Variants in MYO5A observed in about 807,000 individuals in gnomAD.
MYO5A encodes myosin VA, also known as unconventional myosin-Va.
A neutral mutation model predicts 249.7 loss-of-function variants in MYO5A; 98 were observed. The ratio of observed to expected loss-of-function variants is 0.39; its 90% CI spans 0.33 to 0.46. MYO5A has a LOEUF of 0.46. MYO5A is among the 20% of genes least tolerant of loss of function. The pLI, the probability that MYO5A is intolerant of heterozygous loss-of-function variation, is 0.98. For synonymous variants in MYO5A, 778 were observed against 810.6 expected (o/e 0.96, Z 0.68); for missense variants, 1,696 against 2,308.8 (o/e 0.73, Z 5.44).
chr15:52,402,555 T>C (rs2042810397), intron 9 of MYO5A, among the ~76,000 whole-genome samples: 1 of 152,086 alleles, frequency 6.6e-6, no homozygotes, highest in Admixed American at 6.6e-5. Flanking sequence ...CTTTTAAAGC[T>C]CATTTAAGGC....
intron 1 of MYO5A, among the ~76,000 whole-genome samples, chr15:52,506,059 T>A (rs899912275): frequency 2.6e-5 from 4 of 151,236 alleles, no homozygotes; most frequent in Non-Finnish European, 5.9e-5. Flanking sequence ...ACTAAAAAAA[T>A]ATGAAAATTA....
Position 52,323,451 on chromosome 15 carries a change from G to C in MYO5A, c.4711-7C>G, listed in dbSNP as rs1161399622. The C allele has an allele frequency of 6.2e-7, 1 of 1,607,968 alleles. No homozygotes were observed. Among genetic ancestry groups the C allele is most frequent in the African/African-American group, 1.3e-5 (1 of 74,778 alleles). ...CAAAATCATCACCTCTTTTCTGAAAGAGAGAATAAGTCTAAACTTGCCTTT... is the reference window on the plus strand; with the variant it reads ...CAAAATCATCACCTCTTTTCTGAAACAGAGAATAAGTCTAAACTTGCCTTT... On this transcript the variant is annotated splice_polypyrimidine_tract_variant and splice_region_variant and intron_variant, in intron 36 of 41. Transcript: ENST00000399233.
chr15:52,522,995 A>T (rs2077654085), intron 1 of MYO5A, among the ~76,000 whole-genome samples: 1 of 152,238 alleles, frequency 6.6e-6, no homozygotes, highest in South Asian at 2.1e-4. Context: ...AAGAGGAAAT[A>T]ATGGGCATTT....
At chr15:52,358,889 C>A (rs1026167944) in intron 25 of MYO5A, among the ~76,000 whole-genome samples, 1 of 152,050 alleles carries the variant, frequency 6.6e-6, no homozygotes, top group Non-Finnish European at 1.5e-5. Flanking sequence ...CTGTTATATC[C>A]ATGGGCCCCA....
At chr15:52,450,103 T>C (rs1213704353) in intron 1 of MYO5A, among the ~76,000 whole-genome samples, 1 of 152,006 alleles carries the variant, frequency 6.6e-6, no homozygotes, top group Non-Finnish European at 1.5e-5. Context: ...GAGGATCACT[T>C]GAGCTCAGGA....
chr15:52,443,887 G>A (rs1026214002), intron 1 of MYO5A, among the ~76,000 whole-genome samples: 1 of 151,934 alleles, frequency 6.6e-6, no homozygotes, highest in Admixed American at 6.6e-5. Context: ...GGAGGCTGAG[G>A]CACAAGAATT....
At chr15:52,342,054 T>C (rs1309352814) in intron 31 of MYO5A, among the ~76,000 whole-genome samples, 1 of 152,164 alleles carries the variant, frequency 6.6e-6, no homozygotes, top group Non-Finnish European at 1.5e-5. Context: ...TTAGACAGCA[T>C]GATAATAATA....
At position 52,375,359 on chromosome 15, in the gene MYO5A, G is replaced by A. The variant is rs757097908; in HGVS notation, c.2522C>T (p.Thr841Ile). Residue 841 changes from threonine (T) to isoleucine (I), a missense_variant, in exon 20 of 42, where the codon ACT becomes ATT. This residue lies in a region of MYO5A where 412 missense variants were observed against 453.3 expected (regional missense o/e 0.91). Transcript: ENST00000399233. ...TCGCAAGTAAGACTGAAGAACGATAGTGGCAGCTCGTCTAATCTTGTACCT... is the reference window on the plus strand; with the variant it reads ...TCGCAAGTAAGACTGAAGAACGATAATGGCAGCTCGTCTAATCTTGTACCT... Reference protein sequence around the residue: ...RRRYKIRRAATIVLQSYLRGF... With the variant: ...RRRYKIRRAAIIVLQSYLRGF... 6.2e-7 allele frequency: 1 copy of A among 1,613,998 alleles called. No homozygotes were observed. Among genetic ancestry groups the A allele is most frequent in the Non-Finnish European group, 8.5e-7 (1 of 1,179,978 alleles).
At chr15:52,496,760 G>A (rs1018275441) in intron 1 of MYO5A, among the ~76,000 whole-genome samples, 1 of 152,174 alleles carries the variant, frequency 6.6e-6, no homozygotes, top group African/African-American at 2.4e-5. Flanking sequence ...ACTGAGAAAA[G>A]TTTAAGTTCT....
At chr15:52,353,520 A>T in intron 27 of MYO5A, 85 bp downstream of exon 27, 1 of 1,130,922 alleles carries the variant, frequency 8.8e-7, no homozygotes, top group East Asian at 2.3e-5. Flanking sequence ...ACCCTTAAGG[A>T]TGTTCTCTGA....
At chr15:52,443,914 C>T (rs951950613) in intron 1 of MYO5A, among the ~76,000 whole-genome samples, 1 of 151,664 alleles carries the variant, frequency 6.6e-6, no homozygotes, top group East Asian at 1.9e-4. Context: ...ACCTGAGAGG[C>T]GGAGGTTGCA....
chr15:52,367,015 C>T lies in MYO5A; in HGVS notation c.3160+16G>A, dbSNP rs577884300. 8 of 1,605,406 alleles carry T rather than the reference C, an allele frequency of 5.0e-6. No individual in the cohort carries two copies. The East Asian group carries it at 6.7e-5, about 13-fold the overall frequency. ...GTGTGAGGTTGGTTGGCGTGTAGTA[C>T]GCATATAAGCTTTACCTGTCATCTC... On this transcript the variant is annotated intron_variant, in intron 23 of 41. Transcript: ENST00000399233.
intron 4 of MYO5A, among the ~76,000 whole-genome samples, chr15:52,423,103 C>G (rs1595652733): frequency 6.6e-6 from 1 of 152,152 alleles, no homozygotes; most frequent in Admixed American, 6.5e-5. Flanking sequence ...ATGCCCAGAA[C>G]AGTGTCTGGC....
chr15:52,358,070 T>C (rs2040334187), intron 25 of MYO5A, among the ~76,000 whole-genome samples: 1 of 152,162 alleles, frequency 6.6e-6, no homozygotes, highest in South Asian at 2.1e-4. Context: ...CAAGGGCTCC[T>C]AGAAGAGGTG....
chr15:52,497,108 T>G (rs56124629), intron 1 of MYO5A, among the ~76,000 whole-genome samples: 22,843 of 152,078 alleles, frequency 0.15, 1,827 homozygotes, highest in Middle Eastern at 0.22. Flanking sequence ...ACTACAGGCA[T>G]GCACCACCAT....
Position 52,342,670 on chromosome 15 carries a change from TTTGAGAGGC to T in MYO5A, c.4040+438_4040+446del, listed in dbSNP as rs1436168816. Among the ~76,000 whole-genome samples the T allele has an allele frequency of 6.6e-5, 10 of 152,232 alleles. No homozygotes were observed. In the East Asian group the frequency reaches 1.9e-3, roughly 29 times the overall value. On this transcript the variant is annotated intron_variant, in intron 31 of 41. Coordinates refer to ENST00000399233, the MANE Select transcript of MYO5A (RefSeq NM_001382347.1). ...TGGCTGACGCCTGTAATCCCAATAC[TTTGAGAGGC>T]TCAGGTGGGCGCATCACCTGAGGTC...
At chr15:52,377,976 T>C (rs1400265287) in intron 18 of MYO5A, among the ~76,000 whole-genome samples, 1 of 152,166 alleles carries the variant, frequency 6.6e-6, no homozygotes, top group Non-Finnish European at 1.5e-5. Flanking sequence ...CACATCCACA[T>C]ATATCTAAAA....
chr15:52,353,537 G>C (rs2040055392), intron 27 of MYO5A, 68 bp downstream of exon 27: 1 of 1,316,746 alleles, frequency 7.6e-7, no homozygotes, highest in Non-Finnish European at 1.1e-6. Flanking sequence ...CTGAGAAAAA[G>C]AGAGGCTCTG....
intron 22 of MYO5A, among the ~76,000 whole-genome samples, chr15:52,368,242 A>G (rs1364383139): frequency 6.6e-6 from 1 of 152,198 alleles, no homozygotes; most frequent in Non-Finnish European, 1.5e-5. Flanking sequence ...TCCAGTAGGT[A>G]TCCCTTCCGA....
Sources: allele counts gnomAD v4.1 joint callset (sites outside exome capture counted in the v4.1 genomes callset), GRCh38; gene constraint gnomAD v4.1.1; regional missense constraint gnomAD v4.1.1; transcripts MANE v1.5; gene names NCBI Gene and HGNC (gene_info 2026-07-23, HGNC 2026-07-21).